EHF: variants seen among roughly 807,000 people sequenced by gnomAD.
The protein encoded by EHF is ETS homologous factor, also known as ESE3 transcription factor.
EHF carries 14 observed loss-of-function variants against 45.1 expected under a neutral mutation model. That is an observed-to-expected ratio of 0.31 (90% CI 0.21 to 0.49). EHF has a LOEUF of 0.49. Among genes scored for constraint, EHF ranks in the 20% least tolerant of loss-of-function variants. The pLI, the probability that EHF is intolerant of heterozygous loss-of-function variation, is 0.99. For missense variants in EHF, 282 were observed against 371.4 expected, an observed-to-expected ratio of 0.76 and a Z score of 1.98; for synonymous variants, 136 against 131.8, an observed-to-expected ratio of 1.03 and a Z score of -0.22.
At chr11:34,639,626 C>A (rs1053778160) in intron 1 of EHF, among the ~76,000 whole-genome samples, 2 of 152,222 alleles carry the variant, frequency 1.3e-5, no homozygotes, top group African/African-American at 4.8e-5. Flanking sequence ...CAGCTCCCTG[C>A]CCAGTTGGAA....
At chr11:34,647,027 A>AAAG (rs1344578776) in intron 3 of EHF, 1 of 352,018 alleles carries the variant, frequency 2.8e-6, no homozygotes, top group African/African-American at 2.1e-5. Flanking sequence ...TGCTTGTTAA[A>AAAG]AAGATCATCA....
intron 1 of EHF, chr11:34,631,476 T>G: frequency 1.4e-6 from 1 of 716,742 alleles, no homozygotes; most frequent in Non-Finnish European, 1.7e-6. Flanking sequence ...GCTTATCATG[T>G]GACATTGACA....
chr11:34,641,603 C>T (rs1854003411), intron 1 of EHF, among the ~76,000 whole-genome samples: 1 of 152,104 alleles, frequency 6.6e-6, no homozygotes, highest in African/African-American at 2.4e-5. Flanking sequence ...TCTCCCCACC[C>T]CAACATTTTA....
chr11:34,624,395 A>G, intron 1 of EHF: 1 of 807,516 alleles, frequency 1.2e-6, no homozygotes, highest in Non-Finnish European at 1.5e-6. Flanking sequence ...AGGTTCTCTT[A>G]AATCTCTTGC....
intron 2 of EHF, among the ~76,000 whole-genome samples, chr11:34,645,917 C>A (rs1338655934): frequency 6.6e-6 from 1 of 151,904 alleles, no homozygotes; most frequent in Admixed American, 6.6e-5. Context: ...GATATCAGTC[C>A]AGTTAGTAGA....
intron 1 of EHF, among the ~76,000 whole-genome samples, chr11:34,627,112 T>TG (rs1852441560): frequency 2.0e-5 from 3 of 148,582 alleles, no homozygotes; most frequent in Admixed American, 6.7e-5. Context: ...GGATTTTGGT[T>TG]TGTGTGTGTG....
chr11:34,642,274 G>T, intron 1 of EHF: 1 of 183,834 alleles, frequency 5.4e-6, no homozygotes, highest in Non-Finnish European at 1.1e-5. Flanking sequence ...AAATCTCCTT[G>T]GCATTTTCAC....
intron 6 of EHF, among the ~76,000 whole-genome samples, chr11:34,655,391 G>A (rs1477907635): frequency 6.6e-6 from 1 of 152,212 alleles, no homozygotes; most frequent in African/African-American, 2.4e-5. Context: ...ACTAACAAGA[G>A]CATTACAGAA....
At chr11:34,651,478 A>G (rs1590526831) in intron 4 of EHF, 64 bp from the exon 5 acceptor site, 1 of 1,398,218 alleles carries the variant, frequency 7.2e-7, no homozygotes, top group East Asian at 2.3e-5. Flanking sequence ...TGAATTAGAA[A>G]ACGCAGCCTC....
intron 1 of EHF, chr11:34,622,310 T>C (rs1852036737): frequency 1.5e-6 from 1 of 684,466 alleles, no homozygotes. Context: ...CAGGTGTCTC[T>C]GCTGGTTATC....
chr11:34,646,027 GGTGT>G (rs71041935), intron 2 of EHF, among the ~76,000 whole-genome samples: 6,093 of 144,166 alleles, frequency 0.042, 198 homozygotes, highest in African/African-American at 0.084. Flanking sequence ...TGAGTTTGGT[GGTGT>G]GTGTGTGTGT....
chr11:34,624,341 T>C (rs959031987), intron 1 of EHF: 1 of 985,310 alleles, frequency 1.0e-6, no homozygotes, highest in Non-Finnish European at 1.2e-6. Context: ...GCGGCGGGGA[T>C]TGCCATCTGA....
At chr11:34,651,119 T>C (rs943340851) in intron 4 of EHF, among the ~76,000 whole-genome samples, 1 of 150,042 alleles carries the variant, frequency 6.7e-6, no homozygotes, top group Non-Finnish European at 1.5e-5. Context: ...AAGGCCTCAT[T>C]AATTATTTAT....
In EHF at chr11:34,660,093, CA is replaced by C. The variant is rs1176978406; in HGVS notation, c.*1164del. 6.6e-6 allele frequency: 1 copy of C among 152,090 alleles called. No individual in the cohort carries two copies. Among genetic ancestry groups the C allele is most frequent in the Non-Finnish European group, 1.5e-5 (1 of 68,006 alleles). The allele number at this position is 152,090 out of a possible 1,614,324, so 9.4% of individuals were successfully genotyped here. A position where few individuals can be genotyped will look rare whatever the true frequency, so the allele number is the denominator to read the frequency against. On this transcript the variant is annotated 3_prime_UTR_variant, in exon 9 of 9. Coordinates refer to ENST00000257831, the MANE Select transcript of EHF (RefSeq NM_012153.6). Reference sequence around the variant, plus strand: ...TTAGCTCCTTAGAGTGAAGCAAAAGCAAGACTTCAACCTCAACCTATCTTTA... The same window carrying C: ...TTAGCTCCTTAGAGTGAAGCAAAAGCAGACTTCAACCTCAACCTATCTTTA...
intron 1 of EHF, among the ~76,000 whole-genome samples, chr11:34,635,782 G>A (rs982150013): frequency 3.3e-5 from 5 of 150,186 alleles, no homozygotes; most frequent in Non-Finnish European, 7.4e-5. Context: ...GAGCTTAGGA[G>A]CATATGCCTT....
At position 34,646,572 on chromosome 11, in the gene EHF, G is replaced by A. The variant is rs1158296539; in HGVS notation, c.231G>A (p.Glu77=). The A allele has an allele frequency of 5.0e-6, 8 of 1,613,778 alleles. No homozygotes were observed. The highest frequency in any genetic ancestry group is 6.8e-6 in the Non-Finnish European group (8 of 1,179,838). Residue 77 remains glutamate, a synonymous_variant, in exon 3 of 9, where the codon GAG becomes GAA. Coordinates refer to ENST00000257831, the MANE Select transcript of EHF (RefSeq NM_012153.6). The part of the protein sequence containing the change: ...QLDANCIPFQ[E]FDINGEHLCS... ...ATGCCAATTGTATCCCTTTCCAAGA[G>A]TTCGACATCAACGGCGAGCACCTCT...
chr11:34,627,792 C>T (rs1590407407), intron 1 of EHF, among the ~76,000 whole-genome samples: 1 of 152,222 alleles, frequency 6.6e-6, no homozygotes, highest in African/African-American at 2.4e-5. Context: ...TAGAATTTAA[C>T]ATTTTCTTTC....
chr11:34,625,827 C>G (rs985110140), intron 1 of EHF, among the ~76,000 whole-genome samples: 2 of 151,994 alleles, frequency 1.3e-5, no homozygotes, highest in East Asian at 3.8e-4. Context: ...TCCAATCTCA[C>G]CACACACCCT....
chr11:34,632,607 A>T, intron 1 of EHF: 1 of 1,535,430 alleles, frequency 6.5e-7, no homozygotes, highest in South Asian at 1.2e-5. Flanking sequence ...TGCCGGAGAG[A>T]AGAGGATTGG....
Sources: allele counts gnomAD v4.1 joint callset (sites outside exome capture counted in the v4.1 genomes callset), GRCh38; gene constraint gnomAD v4.1.1; transcripts MANE v1.5; gene names NCBI Gene and HGNC (gene_info 2026-07-23, HGNC 2026-07-21).